Variants in RGP1 observed in about 807,000 individuals in gnomAD.
The protein encoded by RGP1 is RAB6A-GEF complex partner protein 2.
A neutral mutation model predicts 44.5 loss-of-function variants in RGP1; 28 were observed. The observed-to-expected ratio is 0.63, with a 90% CI of 0.47 to 0.86. The LOEUF (loss-of-function observed/expected upper bound fraction) is 0.86, where lower values mean the gene tolerates loss of function less well. Among genes scored for constraint, RGP1 ranks in the 40% least tolerant of loss-of-function variants. The pLI is 0.00. For synonymous variants in RGP1, 212 were observed against 196.7 expected (o/e 1.08, Z -0.65); for missense variants, 417 against 490.7 (o/e 0.85, Z 1.42).
rs1280057179 is a variant in RGP1 at position 35,749,650 on chromosome 9, CT to C, written c.-19-86del. ...TCGGGCACCACGGTGCTGACCACCCCTGTCCTCAGCCCTCAGCCCTAGGTGC... is the reference window on the plus strand; with the variant it reads ...TCGGGCACCACGGTGCTGACCACCCCGTCCTCAGCCCTCAGCCCTAGGTGC... On this transcript the variant is annotated intron_variant, in intron 1 of 8. Coordinates refer to ENST00000378078, the MANE Select transcript of RGP1 (RefSeq NM_001080496.3). The surrounding 1 kb of genome is among the most constrained non-coding windows in gnomAD (Gnocchi z 4.4). The C allele has an allele frequency of 1.2e-6, 1 of 802,560 alleles. No individual in the cohort carries two copies. The highest frequency in any genetic ancestry group is 1.4e-5 in the South Asian group (1 of 68,982). 49.7% of individuals were successfully genotyped at this position (802,560 alleles called of 1,614,324 possible).
Position 35,754,260 on chromosome 9 carries a change from ACTATCTCCCTGCCCTC to A in RGP1, c.*1387_*1402del. 8.6e-7 allele frequency: 1 copy of A among 1,168,846 alleles called. No individual in the cohort carries two copies. The highest frequency in any genetic ancestry group is 1.2e-6 in the Non-Finnish European group (1 of 843,720). The allele number at this position is 1,168,846 out of a possible 1,614,324, so 72.4% of individuals were successfully genotyped here. ...TTTCTCCCCTGGGCTCCTGTCTCAC[ACTATCTCCCTGCCCTC>A]TGCTCTCACAGGCTGGGGATGTTTA... On this transcript the variant is annotated 3_prime_UTR_variant, in exon 9 of 9. Coordinates refer to ENST00000378078, the MANE Select transcript of RGP1 (RefSeq NM_001080496.3).
At position 35,753,703 on chromosome 9, in the gene RGP1, G is replaced by A; in HGVS notation, c.*829G>A. 6.2e-7 allele frequency: 1 copy of A among 1,614,106 alleles called. No homozygotes were observed. The highest frequency in any genetic ancestry group is 8.5e-7 in the Non-Finnish European group (1 of 1,180,020). On this transcript the variant is annotated 3_prime_UTR_variant, in exon 9 of 9. Coordinates refer to ENST00000378078, the MANE Select transcript of RGP1 (RefSeq NM_001080496.3). This position sits in a 1 kb window ranked among gnomAD's most constrained non-coding sequence, Gnocchi z 4.2. The stretch of plus-strand genomic sequence containing the variant: ...CCAACAGGATGCAGACAGGTGCAAT[G>A]GAAACAGTCCTTGCGGAGCCAAGAC...
the RGP1 span, among the ~76,000 whole-genome samples, chr9:35,769,316 A>T: frequency 6.6e-6 from 1 of 152,228 alleles, no homozygotes; most frequent in Admixed American, 6.5e-5. Context: ...TTCCATCAGC[A>T]TCCACCTGTT....
chr9:35,768,317 C>T, the RGP1 span, among the ~76,000 whole-genome samples: 1 of 152,086 alleles, frequency 6.6e-6, no homozygotes, highest in East Asian at 1.9e-4. Flanking sequence ...CCACCTTGGC[C>T]TCCCAGAGTG....
chr9:35,770,684 T>G, the RGP1 span, among the ~76,000 whole-genome samples: 2 of 152,016 alleles, frequency 1.3e-5, no homozygotes, highest in African/African-American at 4.8e-5. Context: ...TCATGGAGGG[T>G]GTACCACTAC....
the RGP1 span, among the ~76,000 whole-genome samples, chr9:35,781,014 C>T: frequency 6.6e-5 from 10 of 152,010 alleles, no homozygotes; most frequent in East Asian, 1.9e-4. Context: ...AGATTAAGGA[C>T]GATAAAATTC....
At chr9:35,784,009 G>A in the RGP1 span, among the ~76,000 whole-genome samples, 1 of 152,106 alleles carries the variant, frequency 6.6e-6, no homozygotes, top group East Asian at 1.9e-4. Context: ...ATCTCATTGA[G>A]GTTTTGATTT....
chr9:35,787,377 C>G, the RGP1 span, among the ~76,000 whole-genome samples: 1 of 152,042 alleles, frequency 6.6e-6, no homozygotes, highest in Non-Finnish European at 1.5e-5. Flanking sequence ...TTACAGGTGC[C>G]TGCCACCACG....
At chr9:35,789,839 C>A in the RGP1 span, among the ~76,000 whole-genome samples, 2 of 152,188 alleles carry the variant, frequency 1.3e-5, no homozygotes, top group Non-Finnish European at 2.9e-5. Flanking sequence ...GCATTTTAAT[C>A]TCTCTTTTGC....
chr9:35,762,975 AG>A (rs1180155077), downstream of RGP1, among the ~76,000 whole-genome samples: 1 of 152,190 alleles, frequency 6.6e-6, no homozygotes, highest in Non-Finnish European at 1.5e-5. Flanking sequence ...AGTAAATTTC[AG>A]AGCTGGGATT....
At chr9:35,775,777 T>TA in the RGP1 span, among the ~76,000 whole-genome samples, 1 of 152,208 alleles carries the variant, frequency 6.6e-6, no homozygotes, top group African/African-American at 2.4e-5. Context: ...CAAACTCTTT[T>TA]AAAAAAATTT....
Position 35,751,760 on chromosome 9 carries a change from A to C in RGP1, c.762+6A>C. The C allele has an allele frequency of 6.2e-7, 1 of 1,613,820 alleles. No homozygotes were observed. Among genetic ancestry groups the C allele is most frequent in the Non-Finnish European group, 8.5e-7 (1 of 1,179,848 alleles). On this transcript the variant is annotated splice_donor_region_variant and intron_variant, in intron 7 of 8. Transcript: ENST00000378078. ...GAACCGTAGCTTGTTTGCAGGTAAG[A>C]AGGGAGCAGAGCTTCTTACCTGCTG...
At chr9:35,774,975 AC>A in the RGP1 span, among the ~76,000 whole-genome samples, 8 of 151,838 alleles carry the variant, frequency 5.3e-5, no homozygotes, top group Non-Finnish European at 1.2e-4. Flanking sequence ...AATTTATAAT[AC>A]CCTTTTCTCT....
the RGP1 span, among the ~76,000 whole-genome samples, chr9:35,773,048 TA>T: frequency 2.0e-5 from 3 of 152,038 alleles, no homozygotes; most frequent in African/African-American, 7.2e-5. Context: ...TGTGGTACCT[TA>T]AAAAAACCCA....
the RGP1 span, among the ~76,000 whole-genome samples, chr9:35,774,616 G>A: frequency 6.6e-6 from 1 of 151,932 alleles, no homozygotes; most frequent in African/African-American, 2.4e-5. Context: ...CCCAGCTACT[G>A]GGGAGGCTGA....
the RGP1 span, among the ~76,000 whole-genome samples, chr9:35,770,658 C>G: frequency 0.097 from 14,726 of 152,060 alleles, 810 homozygotes; most frequent in African/African-American, 0.14. Context: ...TTGGAAGAAA[C>G]CTGGACAGTG....
chr9:35,776,215 C>G, the RGP1 span, among the ~76,000 whole-genome samples: 1 of 152,012 alleles, frequency 6.6e-6, no homozygotes, highest in African/African-American at 2.4e-5. Flanking sequence ...AGGACAATGA[C>G]GACTACTCAT....
chr9:35,751,545 C>T (rs1827265070), intron 6 of RGP1, 82 bp from the exon 7 acceptor site: 2 of 1,601,736 alleles, frequency 1.2e-6, no homozygotes, highest in African/African-American at 1.3e-5. Flanking sequence ...AAAGAAAAGC[C>T]CCATCTTTTG....
the RGP1 span, among the ~76,000 whole-genome samples, chr9:35,786,956 C>G: frequency 0.014 from 2,097 of 150,798 alleles, 42 homozygotes; most frequent in African/African-American, 0.048. Flanking sequence ...AAAAATTAGC[C>G]GGGCGTGGTG....
Sources: gnomAD v4.1 joint callset for allele counts (sites outside exome capture counted in the v4.1 genomes callset) on GRCh38, gnomAD v4.1.1 for gene constraint, Gnocchi (gnomAD v3.1) non-coding constraint, MANE v1.5 for transcripts, NCBI Gene and HGNC (gene_info 2026-07-23, HGNC 2026-07-21) for gene names.